UBQLN4: variants seen among roughly 807,000 people sequenced by gnomAD.
The protein encoded by UBQLN4 is ubiquilin-4.
Under a neutral mutation model 60.4 loss-of-function variants are expected in UBQLN4, and 11 were observed. The observed-to-expected ratio is 0.18, with a 90% CI of 0.11 to 0.30. The LOEUF (loss-of-function observed/expected upper bound fraction) is 0.30, where lower values mean the gene tolerates loss of function less well. UBQLN4 is among the 10% of genes least tolerant of loss of function. The pLI, the probability that UBQLN4 is intolerant of heterozygous loss-of-function variation, is 1.00. For synonymous variants in UBQLN4, 258 were observed against 313.1 expected, an observed-to-expected ratio of 0.82 and a Z score of 1.86; for missense variants, 417 against 795.5, an observed-to-expected ratio of 0.52 and a Z score of 5.72.
downstream of UBQLN4, among the ~76,000 whole-genome samples, chr1:156,032,513 G>GAA (rs201947466): frequency 1.3e-4 from 16 of 119,000 alleles, no homozygotes; most frequent in African/African-American, 3.7e-4. Context: ...CTCCGTCTCA[G>GAA]AAAAAAAAAA....
At chr1:156,039,114 G>GA (rs1683479812) in intron 10 of UBQLN4, among the ~76,000 whole-genome samples, 1 of 150,444 alleles carries the variant, frequency 6.6e-6, no homozygotes, top group Admixed American at 6.6e-5. Flanking sequence ...TTTTTTAAAA[G>GA]AAAAAAATTT....
chr1:156,034,133 C>G (rs889362419), downstream of UBQLN4, among the ~76,000 whole-genome samples: 1 of 151,362 alleles, frequency 6.6e-6, no homozygotes, highest in Non-Finnish European at 1.5e-5. Context: ...TCCACAGAAC[C>G]GTAGTCCATA....
In UBQLN4 at chr1:156,036,853, C is replaced by T; in HGVS notation, c.*125G>A. The T allele has an allele frequency of 1.3e-6, 2 of 1,519,506 alleles. No individual in the cohort carries two copies. Among genetic ancestry groups the T allele is most frequent in the Non-Finnish European group, 1.8e-6 (2 of 1,136,642 alleles). 94.1% of individuals were successfully genotyped at this position (1,519,506 alleles called of 1,614,324 possible). A position where few individuals can be genotyped will look rare whatever the true frequency, so the allele number is the denominator to read the frequency against. On this transcript the variant is annotated 3_prime_UTR_variant, in exon 11 of 11. Transcript: ENST00000368309. ...TTGGAGCCCATGCCTCTAAAGTCACCCTGCTGTTTGGAAAGGATGAGGGAG... is the reference window on the plus strand; with the variant it reads ...TTGGAGCCCATGCCTCTAAAGTCACTCTGCTGTTTGGAAAGGATGAGGGAG...
intron 5 of UBQLN4, among the ~76,000 whole-genome samples, chr1:156,047,404 C>A (rs889944555): frequency 1.3e-5 from 2 of 151,418 alleles, no homozygotes. Flanking sequence ...CCATCATGCC[C>A]GGCTAATTTT....
At position 156,050,689 on chromosome 1, in the gene UBQLN4, G is replaced by T; in HGVS notation, c.479-136C>A. The T allele has an allele frequency of 1.5e-6, 2 of 1,346,060 alleles. No individual in the cohort carries two copies. The highest frequency in any genetic ancestry group is 2.0e-6 in the Non-Finnish European group (2 of 1,012,916). The allele number at this position is 1,346,060 out of a possible 1,614,324, so 83.4% of individuals were successfully genotyped here. ...CTCTTCCTGTCATTCCCACAGCCCG[G>T]CCCTGATCCACTGCTGGCAAAAAAA... On this transcript the variant is annotated intron_variant, in intron 3 of 10. Transcript: ENST00000368309. This position sits in a 1 kb window ranked among gnomAD's most constrained non-coding sequence, Gnocchi z 4.6.
intron 10 of UBQLN4, among the ~76,000 whole-genome samples, chr1:156,040,685 C>T (rs1683540238): frequency 6.6e-6 from 1 of 151,940 alleles, no homozygotes; most frequent in East Asian, 1.9e-4. Flanking sequence ...ATCTTCTGAC[C>T]TCGTGATCCG....
At chr1:156,033,041 A>G (rs1424133657), downstream of UBQLN4, among the ~76,000 whole-genome samples, 2 of 152,218 alleles carry the variant, frequency 1.3e-5, no homozygotes, top group African/African-American at 4.8e-5. Context: ...CAAGTGAGGC[A>G]CAAGGAGCAC....
At chr1:156,034,348 G>C (rs555422860), downstream of UBQLN4, among the ~76,000 whole-genome samples, 2 of 135,412 alleles carry the variant, frequency 1.5e-5, no homozygotes, top group East Asian at 4.3e-4. Flanking sequence ...CCCCAGGCTA[G>C]AGTGCGTGGC....
Position 156,051,855 on chromosome 1 carries a change from G to A in UBQLN4, c.111C>T (p.Phe37=). Residue 37 remains phenylalanine (F), a splice_region_variant and synonymous_variant, in exon 2 of 11, where the codon TTC becomes TTT. Coordinates refer to ENST00000368309, the MANE Select transcript of UBQLN4 (RefSeq NM_020131.5). ...VICDRASVKE[F]KEEISRRFKA... The stretch of plus-strand genomic sequence containing the variant: ...TAAACCTCCGGGAGATTTCCTCTTT[G>A]AACTGTGATCAAGAGGCAGAGGTCA... 1 of 1,614,068 alleles carries A rather than the reference G, an allele frequency of 6.2e-7. No individual in the cohort carries two copies. Among genetic ancestry groups the A allele is most frequent in the Non-Finnish European group, 8.5e-7 (1 of 1,180,006 alleles).
At position 156,047,840 on chromosome 1, in the gene UBQLN4, C is replaced by T. The variant is rs762649683; in HGVS notation, c.900+661G>A. ...CCGGGAGGCGGAGGTTACAGTGAGC[C>T]GAGATTGCGCCACTGCATTCCAGCC... On this transcript the variant is annotated intron_variant, in intron 5 of 10. Transcript: ENST00000368309. 3.5e-5 allele frequency among the ~76,000 whole-genome samples: 5 copies of T among 143,060 alleles called. No homozygotes were observed. The East Asian group carries it at 6.2e-4, about 18-fold the overall frequency. 93.9% of individuals were successfully genotyped at this position (143,060 alleles called of 152,430 possible). A position where few individuals can be genotyped will look rare whatever the true frequency, so the allele number is the denominator to read the frequency against.
intron 10 of UBQLN4, among the ~76,000 whole-genome samples, chr1:156,039,245 CTTTTTTT>C (rs34866268): frequency 1.2e-5 from 1 of 82,496 alleles, no homozygotes; most frequent in African/African-American, 4.4e-5. Context: ...CCTGGCCTGG[CTTTTTTT>C]TTTTTTTTTT....
Position 156,042,223 on chromosome 1 carries a change from A to G in UBQLN4, c.1280T>C (p.Val427Ala), listed in dbSNP as rs1422238861. The G allele has an allele frequency of 6.3e-7, 1 of 1,599,902 alleles. No homozygotes were observed. The highest frequency in any genetic ancestry group is 1.1e-5 in the South Asian group (1 of 88,696). ...PDFAAQMMVN[V>A]PLFAGNPQLQ... ...TTGGGGGTTCCCCGCGAAGAGCGGC[A>G]CATTCACCATCATCTGCCAGGGTGA... The change falls in exon 8 of 11, where the codon GTG becomes GCG. Residue 427 changes from valine to alanine, a missense_variant. Transcript: ENST00000368309.
rs1005457132 is a variant in UBQLN4, at chr1:156,051,910, A to G, written c.109-53T>C. On this transcript the variant is annotated intron_variant, in intron 1 of 10. Transcript: ENST00000368309. ...GGAGGCTGCCTGGACTCCCCCTACC[A>G]GGGACCCTGACTCTTTTTCAACACC... is the stretch of plus-strand genomic sequence containing the variant. The G allele has an allele frequency of 2.5e-6, 4 of 1,606,266 alleles. No homozygotes were observed. In the African/African-American group the frequency reaches 5.3e-5, roughly 21 times the overall value.
downstream of UBQLN4, among the ~76,000 whole-genome samples, chr1:156,034,990 T>G (rs1683367747): frequency 6.6e-6 from 1 of 150,636 alleles, no homozygotes; most frequent in Admixed American, 6.6e-5. Flanking sequence ...TGCCTCAGCC[T>G]CCCATGTAGC....
intron 10 of UBQLN4, among the ~76,000 whole-genome samples, chr1:156,039,660 G>A (rs913491755): frequency 1.3e-5 from 2 of 151,996 alleles, no homozygotes; most frequent in Non-Finnish European, 2.9e-5. Context: ...TATAGTGGCC[G>A]GGTGCGGTGG....
intron 5 of UBQLN4, among the ~76,000 whole-genome samples, chr1:156,047,214 C>A (rs1433130468): frequency 6.6e-6 from 1 of 151,744 alleles, no homozygotes; most frequent in Non-Finnish European, 1.5e-5. Context: ...TTTGGAATAC[C>A]CTTTTGTTTA....
At chr1:156,031,723 C>T (rs545775728), downstream of UBQLN4, among the ~76,000 whole-genome samples, 2 of 152,098 alleles carry the variant, frequency 1.3e-5, no homozygotes, top group African/African-American at 2.4e-5. Flanking sequence ...GGACTACCAG[C>T]GCATGCCACC....
At chr1:156,031,761 T>A (rs957365715), downstream of UBQLN4, among the ~76,000 whole-genome samples, 2 of 151,940 alleles carry the variant, frequency 1.3e-5, no homozygotes, top group East Asian at 3.9e-4. Context: ...TTGTTTTGTA[T>A]TTTTAGTAGA....
downstream of UBQLN4, among the ~76,000 whole-genome samples, chr1:156,034,838 TA>T (rs1239760742): frequency 1.8e-3 from 74 of 41,576 alleles, no homozygotes; most frequent in African/African-American, 5.7e-3. Context: ...TATATATATA[TA>T]TATATATATA....
Sources: allele counts gnomAD v4.1 joint callset (sites outside exome capture counted in the v4.1 genomes callset), GRCh38; gene constraint gnomAD v4.1.1; non-coding constraint Gnocchi (gnomAD v3.1); transcripts MANE v1.5; gene names NCBI Gene and HGNC (gene_info 2026-07-23, HGNC 2026-07-21).